SLC24A3: variants seen among roughly 807,000 people sequenced by gnomAD.
The protein encoded by SLC24A3 is sodium/potassium/calcium exchanger 3.
In SLC24A3, 28 loss-of-function variants were observed where a neutral mutation model predicts 75.8. The observed-to-expected ratio is 0.37, with a 90% CI of 0.27 to 0.51. The LOEUF is 0.51. SLC24A3 is among the 20% of genes least tolerant of loss of function. SLC24A3 has a pLI of 0.94. For synonymous variants in SLC24A3, 372 were observed against 334.1 expected (o/e 1.11, Z -1.24); for missense variants, 663 against 847.8 (o/e 0.78, Z 2.71).
chr20:19,410,287 G>A (rs1328762771), intron 2 of SLC24A3, among the ~76,000 whole-genome samples: 1 of 152,148 alleles, frequency 6.6e-6, no homozygotes, highest in Non-Finnish European at 1.5e-5. Context: ...TAACAGAAAG[G>A]CATTAGACAG....
chr20:19,629,223 C>T (rs1408215566), intron 6 of SLC24A3, among the ~76,000 whole-genome samples: 10 of 151,778 alleles, frequency 6.6e-5, no homozygotes, highest in Non-Finnish European at 1.2e-4. Flanking sequence ...TAAAAAAGAA[C>T]TAAACAGAAA....
chr20:19,236,908 A>G (rs962404307), intron 1 of SLC24A3, among the ~76,000 whole-genome samples: 2 of 152,158 alleles, frequency 1.3e-5, no homozygotes, highest in African/African-American at 4.8e-5. Flanking sequence ...ATGGTGGCTC[A>G]TGTTTATAAA....
At chr20:19,390,357 C>G (rs2122387728) in intron 2 of SLC24A3, among the ~76,000 whole-genome samples, 1 of 152,334 alleles carries the variant, frequency 6.6e-6, no homozygotes, top group South Asian at 2.1e-4. Context: ...TCCAGAGATG[C>G]TCAATGGACC....
At chr20:19,421,943 G>A (rs1986925054) in intron 2 of SLC24A3, among the ~76,000 whole-genome samples, 1 of 152,164 alleles carries the variant, frequency 6.6e-6, no homozygotes, top group Admixed American at 6.5e-5. Context: ...ATGTGTCAGG[G>A]AGCGAGTTAC....
chr20:19,515,594 G>T (rs559662931), intron 3 of SLC24A3, 30 bp downstream of exon 3: 1 of 1,611,424 alleles, frequency 6.2e-7, no homozygotes, highest in South Asian at 1.1e-5. Flanking sequence ...TCTGCCTGGA[G>T]GGTCCATAGG....
At chr20:19,228,670 G>T (rs1981935840) in intron 1 of SLC24A3, among the ~76,000 whole-genome samples, 1 of 151,922 alleles carries the variant, frequency 6.6e-6, no homozygotes. Context: ...AGCCATGGAT[G>T]TTGAATGTGA....
At chr20:19,213,576 C>A (rs1035659292) in intron 1 of SLC24A3, 3 of 152,292 alleles carry the variant, frequency 2.0e-5, no homozygotes, top group African/African-American at 7.2e-5. Context: ...AAAATGACCA[C>A]TCACTGGGAA....
chr20:19,362,695 G>A (rs1261013605), intron 2 of SLC24A3, among the ~76,000 whole-genome samples: 1 of 152,094 alleles, frequency 6.6e-6, no homozygotes, highest in Non-Finnish European at 1.5e-5. Context: ...GTAGAAGGAG[G>A]ACTTGAACCG....
chr20:19,698,584 T>G lies in SLC24A3; in HGVS notation c.1623T>G (p.Ala541=). The change falls in exon 15 of 17, where the codon GCT becomes GCG. Residue 541 remains alanine (A), a synonymous_variant. Transcript: ENST00000328041. ...TCCCTGCAGGGATGGGGGACATGGC[T>G]GTGTCCAACTCCATTGGGAGCAACG... The part of the protein sequence containing the change: ...IVARQGMGDM[A]VSNSIGSNVF... 1 of 1,586,118 alleles carries G rather than the reference T, an allele frequency of 6.3e-7. No homozygotes were observed. The highest frequency in any genetic ancestry group is 8.6e-7 in the Non-Finnish European group (1 of 1,163,936).
At chr20:19,642,676 C>T (rs1185283535) in intron 6 of SLC24A3, among the ~76,000 whole-genome samples, 1 of 152,214 alleles carries the variant, frequency 6.6e-6, no homozygotes, top group Non-Finnish European at 1.5e-5. Context: ...TAACTACACT[C>T]TGCTGAGATG....
At chr20:19,544,804 A>G (rs1338679924) in intron 3 of SLC24A3, among the ~76,000 whole-genome samples, 1 of 152,156 alleles carries the variant, frequency 6.6e-6, no homozygotes, top group East Asian at 1.9e-4. Context: ...ATGGGACAGA[A>G]AGAAAGGGAG....
At chr20:19,510,132 C>T (rs1399644570) in intron 2 of SLC24A3, among the ~76,000 whole-genome samples, 1 of 152,212 alleles carries the variant, frequency 6.6e-6, no homozygotes, top group Non-Finnish European at 1.5e-5. Context: ...CCCAGTGGGT[C>T]TCTAAGATAG....
chr20:19,653,187 C>T (rs1265394592), intron 6 of SLC24A3, among the ~76,000 whole-genome samples: 1 of 152,176 alleles, frequency 6.6e-6, no homozygotes, highest in Admixed American at 6.5e-5. Context: ...AGCTCTTTCC[C>T]CTCTCCTCAA....
chr20:19,337,614 T>C (rs1985165862), intron 2 of SLC24A3, among the ~76,000 whole-genome samples: 1 of 152,222 alleles, frequency 6.6e-6, no homozygotes, highest in Non-Finnish European at 1.5e-5. Context: ...TCTCCATTTA[T>C]GCCTTGGGAA....
chr20:19,535,236 C>A (rs550598502), intron 3 of SLC24A3, among the ~76,000 whole-genome samples: 5 of 152,316 alleles, frequency 3.3e-5, no homozygotes, highest in African/African-American at 1.2e-4. Flanking sequence ...AAACCAATGG[C>A]TATTTTTTTA....
Position 19,685,300 on chromosome 20 carries a change from TGAGGAGGAA to T in SLC24A3, c.1272_1280del (p.Glu424_Glu426del). 1 of 1,613,882 alleles carries T rather than the reference TGAGGAGGAA, an allele frequency of 6.2e-7. No individual in the cohort carries two copies. ...ATGAAAATGAGGACAATGAGAATGA[TGAGGAGGAA>T]GAGGAGGACGAGGATGATGATGAAG... On this transcript the variant is annotated inframe_deletion, in exon 12 of 17. Coordinates refer to ENST00000328041, the MANE Select transcript of SLC24A3 (RefSeq NM_020689.4).
chr20:19,465,415 A>C (rs1987748447), intron 2 of SLC24A3, among the ~76,000 whole-genome samples: 1 of 151,112 alleles, frequency 6.6e-6, no homozygotes, highest in Non-Finnish European at 1.5e-5. Context: ...AAACACAAAA[A>C]CTCAAGAGAC....
intron 2 of SLC24A3, among the ~76,000 whole-genome samples, chr20:19,475,086 C>T (rs1183487250): frequency 6.6e-6 from 1 of 152,196 alleles, no homozygotes; most frequent in Non-Finnish European, 1.5e-5. Flanking sequence ...CGCCTGTAAT[C>T]CCAGCACTTT....
At position 19,517,456 on chromosome 20, in the gene SLC24A3, A is replaced by C. The variant is rs143562771; in HGVS notation, c.348+1892A>C. Reference sequence around the variant, plus strand: ...TCTTCATGAGCCCAGGATACCCAGGAAGGTTTCTGGTGTCTGTGGTAGTGC... The same window carrying C: ...TCTTCATGAGCCCAGGATACCCAGGCAGGTTTCTGGTGTCTGTGGTAGTGC... On this transcript the variant is annotated intron_variant, in intron 3 of 16. Coordinates refer to ENST00000328041, the MANE Select transcript of SLC24A3 (RefSeq NM_020689.4). Among the ~76,000 whole-genome samples the C allele has an allele frequency of 2.0e-3, 312 of 152,268 alleles. 1 individual carries two copies. The highest frequency in any genetic ancestry group is 7.1e-3 in the African/African-American group (297 of 41,546).
Sources: allele counts gnomAD v4.1 joint callset (sites outside exome capture counted in the v4.1 genomes callset), GRCh38; gene constraint gnomAD v4.1.1; transcripts MANE v1.5; gene names NCBI Gene and HGNC (gene_info 2026-07-23, HGNC 2026-07-21).